Variants in BLM observed in about 807,000 individuals in gnomAD.
BLM encodes the protein BLM RecQ like helicase.
Under a neutral mutation model 135.3 loss-of-function variants are expected in BLM, and 95 were observed. That is an observed-to-expected ratio of 0.70 (90% CI 0.59 to 0.83). The LOEUF is 0.83. Ranked by LOEUF, BLM falls within the 40% of genes least tolerant of loss-of-function variation. BLM has a pLI of 0.00. For synonymous variants in BLM, 520 were observed against 589.2 expected (o/e 0.88, Z 1.70); for missense variants, 1,518 against 1,663.9 (o/e 0.91, Z 1.53).
At chr15:90,786,452 T>G (rs1265610971) in intron 14 of BLM, among the ~76,000 whole-genome samples, 1 of 152,238 alleles carries the variant, frequency 6.6e-6, no homozygotes, top group Non-Finnish European at 1.5e-5. Flanking sequence ...GTGAAACTGC[T>G]TTTCAAAGTG....
rs1555423104 is a variant in BLM, at chr15:90,790,742, T to A, written c.2917T>A (p.Tyr973Asn). ...HASLPKSVEG[Y>N]YQESGRAGRD... ...ATCTCTCCCTAAATCTGTGGAGGGT[T>A]ACTACCAAGAATCTGGCAGAGCTGG... The change falls in exon 15 of 22, where the codon TAC becomes AAC. Residue 973 changes from tyrosine (Y) to asparagine (N), a missense_variant. Physicochemically the swap from Tyr to Asn is moderately radical, Grantham distance 143 (BLOSUM62 -2). Transcript: ENST00000355112. 6.2e-7 allele frequency: 1 copy of A among 1,614,154 alleles called. No individual in the cohort carries two copies. The highest frequency in any genetic ancestry group is 8.5e-7 in the Non-Finnish European group (1 of 1,179,986).
In BLM at chr15:90,789,406, TG is replaced by T. The variant is rs576824586; in HGVS notation, c.2824-1242del. Among the ~76,000 whole-genome samples the T allele has an allele frequency of 1.3e-3, 201 of 152,356 alleles. 1 individual carries two copies. The highest frequency in any genetic ancestry group is 2.4e-3 in the Non-Finnish European group (161 of 68,030). ...GTGCCTCACAGCCCTGTGCCCGCCC[TG>T]ATACTGGGAGATGCACCTGGACTTC... On this transcript the variant is annotated intron_variant, in intron 14 of 21. Coordinates refer to ENST00000355112, the MANE Select transcript of BLM (RefSeq NM_000057.4).
At chr15:90,746,993 T>C (rs946849665) in intron 1 of BLM, among the ~76,000 whole-genome samples, 1 of 152,170 alleles carries the variant, frequency 6.6e-6, no homozygotes, top group Non-Finnish European at 1.5e-5. Flanking sequence ...GCTTTCCGTG[T>C]GCTTTGATCA....
In BLM at chr15:90,762,995, A is replaced by C; in HGVS notation, c.1912A>C (p.Asn638His). 1 of 1,613,670 alleles carries C rather than the reference A, an allele frequency of 6.2e-7. No individual in the cohort carries two copies. Among genetic ancestry groups the C allele is most frequent in the East Asian group, 2.2e-5 (1 of 44,872 alleles). The change falls in exon 8 of 22, where the codon AAT becomes CAT. Residue 638 changes from asparagine to histidine, a missense_variant. Asn to His is a moderately conservative substitution (Grantham distance 68). This residue lies in a region of BLM where 724 missense variants were observed against 756.9 expected (regional missense o/e 0.96). Coordinates refer to ENST00000355112, the MANE Select transcript of BLM (RefSeq NM_000057.4). ...GTCAGCACAAAATTTAGCATCCAGA[A>C]ATCTGAAACATGAGCGTTTCCAAAG... is the stretch of plus-strand genomic sequence containing the variant. ...DKSAQNLASR[N>H]LKHERFQSLS...
intron 21 of BLM, among the ~76,000 whole-genome samples, chr15:90,811,667 T>C (rs1014550680): frequency 6.6e-6 from 1 of 152,218 alleles, no homozygotes; most frequent in African/African-American, 2.4e-5. Flanking sequence ...TCTTTCTTTT[T>C]TTAATTTGAG....
intron 1 of BLM, among the ~76,000 whole-genome samples, chr15:90,738,619 CAAAT>C (rs113297019): frequency 0.044 from 6,721 of 152,024 alleles, 471 homozygotes; most frequent in African/African-American, 0.15. Context: ...TACAGCTCAA[CAAAT>C]AACCCATTTA....
In BLM at chr15:90,804,268, A is replaced by G. The variant is rs779564538; in HGVS notation, c.3660A>G (p.Gly1220=). 7 of 1,614,130 alleles carry G rather than the reference A, an allele frequency of 4.3e-6. 1 individual carries two copies. In the South Asian group the frequency reaches 5.5e-5, roughly 13 times the overall value. The part of the protein sequence containing the change: ...QREEMVKKCL[G]ELTEVCKSLG... Reference sequence around the variant, plus strand: ...AAGAGATGGTTAAAAAATGTCTTGGAGAACTTACAGAAGTCTGCAAATCTC... The same window carrying G: ...AAGAGATGGTTAAAAAATGTCTTGGGGAACTTACAGAAGTCTGCAAATCTC... The change falls in exon 19 of 22, where the codon GGA becomes GGG. Residue 1220 remains glycine (G), a synonymous_variant. Transcript: ENST00000355112.
rs746194533 is a variant in BLM, at chr15:90,734,698, G to C, written c.-4-12691G>C. 5.9e-3 allele frequency among the ~76,000 whole-genome samples: 54 copies of C among 9,202 alleles called. 1 individual carries two copies. In the African/African-American group the frequency reaches 0.098, roughly 17 times the overall value. The allele number at this position is 9,202 out of a possible 152,430, so 6.0% of individuals were successfully genotyped here. A position where few individuals can be genotyped will look rare whatever the true frequency, so the allele number is the denominator to read the frequency against. ...ACGCACACACACACACACACACGCA[G>C]AGAGAGAGAGAGAGAGAGAGAGAGA... On this transcript the variant is annotated intron_variant, in intron 1 of 21. Transcript: ENST00000355112.
At chr15:90,770,169 C>CG (rs1332719229) in intron 12 of BLM, among the ~76,000 whole-genome samples, 1 of 133,928 alleles carries the variant, frequency 7.5e-6, no homozygotes, top group East Asian at 2.2e-4. Flanking sequence ...AAAAGAAATC[C>CG]CCCCCCCCTT....
At chr15:90,725,906 C>T (rs974712984) in intron 1 of BLM, among the ~76,000 whole-genome samples, 2 of 151,602 alleles carry the variant, frequency 1.3e-5, no homozygotes, top group Non-Finnish European at 2.9e-5. Context: ...TTTATATATA[C>T]GTACATACAC....
chr15:90,811,430 A>T, intron 21 of BLM, 24 bp downstream of exon 21: 1 of 1,610,482 alleles, frequency 6.2e-7, no homozygotes, highest in Non-Finnish European at 8.5e-7. Flanking sequence ...CATCTTTTTC[A>T]ATATAGGGAA....
chr15:90,799,019 G>A (rs1282214809), intron 17 of BLM, among the ~76,000 whole-genome samples: 1 of 150,628 alleles, frequency 6.6e-6, no homozygotes, highest in Non-Finnish European at 1.5e-5. Context: ...ACAAAAATTA[G>A]CCAGGTGTGG....
intron 4 of BLM, among the ~76,000 whole-genome samples, chr15:90,752,436 C>T (rs1342999609): frequency 6.6e-6 from 1 of 152,144 alleles, no homozygotes; most frequent in Non-Finnish European, 1.5e-5. Flanking sequence ...CTTGGCCTCC[C>T]AAAGTGCTAG....
chr15:90,735,785 T>C (rs78489519), intron 1 of BLM, among the ~76,000 whole-genome samples: 136 of 152,014 alleles, frequency 8.9e-4, no homozygotes, highest in East Asian at 6.2e-3. Flanking sequence ...GGGGGAAAAA[T>C]TGGCTACATT....
At chr15:90,748,819 A>G (rs1239025647) in intron 2 of BLM, among the ~76,000 whole-genome samples, 2 of 148,840 alleles carry the variant, frequency 1.3e-5, no homozygotes, top group Non-Finnish European at 3.0e-5. Flanking sequence ...GTGCGGCAGT[A>G]TAGTCTCGGC....
rs779570960 is a variant in BLM, at chr15:90,815,588, G to A, written c.*309G>A. ...ACCCAGAAGCCAAAGGAAGAGCCAC[G>A]CGTGGGCCCTTGTGAAACTAAAGCT... On this transcript the variant is annotated 3_prime_UTR_variant, in exon 22 of 22. Coordinates refer to ENST00000355112, the MANE Select transcript of BLM (RefSeq NM_000057.4). This position sits in a 1 kb window ranked among gnomAD's most constrained non-coding sequence, Gnocchi z 4.6. 1.3e-5 allele frequency: 5 copies of A among 386,686 alleles called. No individual in the cohort carries two copies. Among genetic ancestry groups the A allele is most frequent in the African/African-American group, 2.1e-5 (1 of 48,530 alleles). The allele number at this position is 386,686 out of a possible 1,614,324, so 24.0% of individuals were successfully genotyped here.
chr15:90,779,537 A>G (rs189688708), intron 12 of BLM, among the ~76,000 whole-genome samples: 5 of 152,154 alleles, frequency 3.3e-5, no homozygotes, highest in Admixed American at 2.0e-4. Flanking sequence ...TTAATCTACT[A>G]CCTTTTTTGC....
intron 10 of BLM, among the ~76,000 whole-genome samples, chr15:90,767,611 T>C (rs1243928641): frequency 1.3e-5 from 2 of 152,344 alleles, no homozygotes; most frequent in East Asian, 1.9e-4. Flanking sequence ...CAGTGATATG[T>C]TCTCATGCCC....
At chr15:90,769,730 T>C (rs1424489897) in intron 12 of BLM, 144 bp downstream of exon 12, 2 of 976,378 alleles carry the variant, frequency 2.0e-6, no homozygotes, top group African/African-American at 3.7e-5. Flanking sequence ...CGATGGCAGC[T>C]AAATCAGAAC....
Sources: allele counts gnomAD v4.1 joint callset (sites outside exome capture counted in the v4.1 genomes callset), GRCh38; gene constraint gnomAD v4.1.1; regional missense constraint gnomAD v4.1.1; non-coding constraint Gnocchi (gnomAD v3.1); transcripts MANE v1.5; gene names NCBI Gene and HGNC (gene_info 2026-07-23, HGNC 2026-07-21).